Variants in TSPAN15 observed in about 807,000 individuals in gnomAD.
The protein encoded by TSPAN15 is tetraspanin 15.
A neutral mutation model predicts 34.5 loss-of-function variants in TSPAN15; 20 were observed. The observed-to-expected ratio is 0.58, with a 90% CI of 0.41 to 0.84. TSPAN15 has a LOEUF of 0.84. TSPAN15 is among the 40% of genes least tolerant of loss of function. TSPAN15 has a pLI of 0.00. For missense variants in TSPAN15, 313 were observed against 386.1 expected, an observed-to-expected ratio of 0.81 and a Z score of 1.59; for synonymous variants, 155 against 153.9, an observed-to-expected ratio of 1.01 and a Z score of -0.05.
chr10:69,521,026 A>G, the TSPAN15 span, among the ~76,000 whole-genome samples: 1 of 149,922 alleles, frequency 6.7e-6, no homozygotes, highest in Admixed American at 6.6e-5. Context: ...TAGCTGTGAT[A>G]GGTAATTTCA....
At chr10:69,539,427 AAG>A in the TSPAN15 span, among the ~76,000 whole-genome samples, 2 of 114,492 alleles carry the variant, frequency 1.7e-5, 1 homozygote, top group Non-Finnish European at 3.9e-5. Context: ...AAGAAGAAGA[AAG>A]AAGAAGAAGA....
chr10:69,486,701 G>C (rs1261505902), intron 3 of TSPAN15, among the ~76,000 whole-genome samples: 1 of 152,234 alleles, frequency 6.6e-6, no homozygotes. Flanking sequence ...ATCTGGCCCT[G>C]TGAAAATGTT....
At chr10:69,539,465 AGAAGG>A in the TSPAN15 span, among the ~76,000 whole-genome samples, 74 of 46,600 alleles carry the variant, frequency 1.6e-3, 4 homozygotes, top group East Asian at 0.041. Context: ...AAGAAGAAGG[AGAAGG>A]AGAAGGAGAA....
chr10:69,542,887 C>G, the TSPAN15 span, among the ~76,000 whole-genome samples: 1 of 152,220 alleles, frequency 6.6e-6, no homozygotes, highest in Non-Finnish European at 1.5e-5. Flanking sequence ...GATACACAGG[C>G]TTTGGAATGA....
chr10:69,546,350 C>T, the TSPAN15 span, among the ~76,000 whole-genome samples: 1 of 152,206 alleles, frequency 6.6e-6, no homozygotes, highest in Non-Finnish European at 1.5e-5. Context: ...GGGTTTATTC[C>T]TTGGCCTTCT....
the TSPAN15 span, among the ~76,000 whole-genome samples, chr10:69,536,361 C>T: frequency 6.6e-6 from 1 of 152,142 alleles, no homozygotes; most frequent in Non-Finnish European, 1.5e-5. Flanking sequence ...TTTTGGCCAT[C>T]TTCCAGGTAC....
the TSPAN15 span, among the ~76,000 whole-genome samples, chr10:69,514,867 T>C: frequency 6.6e-6 from 1 of 151,990 alleles, no homozygotes; most frequent in Non-Finnish European, 1.5e-5. Context: ...TGATGATTTC[T>C]CCTCTCCGGC....
intron 1 of TSPAN15, among the ~76,000 whole-genome samples, chr10:69,478,195 T>G (rs898974622): frequency 2.0e-5 from 3 of 151,176 alleles, no homozygotes; most frequent in Non-Finnish European, 4.4e-5. Context: ...GGTGGCTGTC[T>G]GCAGGGTGGG....
intron 1 of TSPAN15, among the ~76,000 whole-genome samples, chr10:69,457,582 G>A (rs1482242209): frequency 6.6e-6 from 1 of 152,186 alleles, no homozygotes; most frequent in East Asian, 1.9e-4. Flanking sequence ...GGTGGAGGCA[G>A]CAAATGCCAG....
chr10:69,498,193 C>A, intron 4 of TSPAN15, 87 bp from the exon 5 acceptor site: 1 of 1,206,104 alleles, frequency 8.3e-7, no homozygotes, highest in Non-Finnish European at 1.2e-6. Flanking sequence ...AATAAACTGC[C>A]TCCGTCTCCT....
intron 3 of TSPAN15, among the ~76,000 whole-genome samples, chr10:69,486,209 A>G (rs1841850167): frequency 6.6e-6 from 1 of 152,092 alleles, no homozygotes; most frequent in South Asian, 2.1e-4. Flanking sequence ...GCTGACTCCA[A>G]CCCAGGGCTC....
At chr10:69,452,345 G>T in intron 1 of TSPAN15, among the ~76,000 whole-genome samples, 1 of 152,156 alleles carries the variant, frequency 6.6e-6, no homozygotes, top group East Asian at 1.9e-4. Flanking sequence ...GAATTCCGTC[G>T]CTCCGAGTGG....
chr10:69,477,130 G>A (rs1327444578), intron 1 of TSPAN15, among the ~76,000 whole-genome samples: 1 of 152,052 alleles, frequency 6.6e-6, no homozygotes, highest in Non-Finnish European at 1.5e-5. Flanking sequence ...GAGGGTTGAA[G>A]CATGTGCCTT....
the TSPAN15 span, among the ~76,000 whole-genome samples, chr10:69,538,933 T>TG: frequency 1.0e-3 from 156 of 151,732 alleles, no homozygotes; most frequent in Non-Finnish European, 1.7e-3. Context: ...TCAGAGAGAG[T>TG]GTGAGGACAT....
At chr10:69,522,837 A>G in the TSPAN15 span, among the ~76,000 whole-genome samples, 3 of 147,860 alleles carry the variant, frequency 2.0e-5, 1 homozygote, top group Admixed American at 1.4e-4. Context: ...GCTGAGATAT[A>G]TGATTGGCAA....
intron 1 of TSPAN15, among the ~76,000 whole-genome samples, chr10:69,457,380 G>A (rs1841136292): frequency 6.6e-6 from 1 of 152,220 alleles, no homozygotes; most frequent in Admixed American, 6.5e-5. Context: ...CTGAGGCCTT[G>A]ACTTTGCAAA....
At chr10:69,519,480 A>G in the TSPAN15 span, among the ~76,000 whole-genome samples, 4 of 152,336 alleles carry the variant, frequency 2.6e-5, no homozygotes, top group South Asian at 2.1e-4. Context: ...AATAAAAACT[A>G]GAAAGAGATA....
At chr10:69,468,116 G>GC (rs1180134964) in intron 1 of TSPAN15, among the ~76,000 whole-genome samples, 1 of 123,556 alleles carries the variant, frequency 8.1e-6, no homozygotes, top group East Asian at 2.5e-4. Flanking sequence ...TCCAGCCCCC[G>GC]CCCCCCTCCC....
chr10:69,507,376 C>A lies in TSPAN15; in HGVS notation c.*398C>A. ...GGGAGAGGGAGTGTGCCCCTCGGGGCAGGAGGGAAGGGCATCTGGGGAAGG... is the reference window on the plus strand; with the variant it reads ...GGGAGAGGGAGTGTGCCCCTCGGGGAAGGAGGGAAGGGCATCTGGGGAAGG... On this transcript the variant is annotated 3_prime_UTR_variant, in exon 8 of 8. Transcript: ENST00000373290. The A allele has an allele frequency of 8.2e-7, 1 of 1,217,988 alleles. No individual in the cohort carries two copies. The highest frequency in any genetic ancestry group is 1.0e-6 in the Non-Finnish European group (1 of 958,736). The allele number at this position is 1,217,988 out of a possible 1,614,324, so 75.4% of individuals were successfully genotyped here. A position where few individuals can be genotyped will look rare whatever the true frequency, so the allele number is the denominator to read the frequency against.
Sources: gnomAD v4.1 joint callset for allele counts (sites outside exome capture counted in the v4.1 genomes callset) on GRCh38, gnomAD v4.1.1 for gene constraint, MANE v1.5 for transcripts, NCBI Gene and HGNC (gene_info 2026-07-23, HGNC 2026-07-21) for gene names.